Variants in MECOM observed in about 807,000 individuals in gnomAD.
MECOM encodes histone-lysine N-methyltransferase MECOM.
Under a neutral mutation model 116.3 loss-of-function variants are expected in MECOM, and 13 were observed. That is an observed-to-expected ratio of 0.11 (90% CI 0.07 to 0.18). The LOEUF (loss-of-function observed/expected upper bound fraction) is 0.18. MECOM is among the 10% of genes least tolerant of loss of function. The pLI, the probability that MECOM is intolerant of heterozygous loss-of-function variation, is 1.00. For synonymous variants in MECOM, 528 were observed against 535.2 expected, an observed-to-expected ratio of 0.99 and a Z score of 0.19; for missense variants, 1,299 against 1,509.0, an observed-to-expected ratio of 0.86 and a Z score of 2.31.
chr3:169,168,164 G>T (rs143017714), intron 2 of MECOM, among the ~76,000 whole-genome samples: 1 of 152,110 alleles, frequency 6.6e-6, no homozygotes, highest in East Asian at 1.9e-4. Flanking sequence ...TGGAGATAAT[G>T]CCAATAGTTT....
At chr3:169,137,533 C>T (rs1222456616) in intron 3 of MECOM, among the ~76,000 whole-genome samples, 1 of 152,086 alleles carries the variant, frequency 6.6e-6, no homozygotes, top group African/African-American at 2.4e-5. Context: ...ATTGCCAAAG[C>T]AAATCACCCT....
chr3:169,321,813 A>G (rs1720913757), intron 2 of MECOM, among the ~76,000 whole-genome samples: 1 of 152,196 alleles, frequency 6.6e-6, no homozygotes, highest in Non-Finnish European at 1.5e-5. Context: ...ATGGCACTAG[A>G]AAAGACAGTG....
intron 7 of MECOM, among the ~76,000 whole-genome samples, chr3:169,117,029 T>C (rs1405004265): frequency 1.3e-5 from 2 of 152,166 alleles, no homozygotes; most frequent in Non-Finnish European, 2.9e-5. Flanking sequence ...ATTTAAATAT[T>C]TATGAAAAGT....
chr3:169,094,462 T>G (rs1444586544), intron 13 of MECOM, among the ~76,000 whole-genome samples: 1 of 152,228 alleles, frequency 6.6e-6, no homozygotes, highest in Admixed American at 6.5e-5. Flanking sequence ...GCTAAATATG[T>G]GCTGGCAAGG....
At chr3:169,621,585 C>T (rs1770738952) in intron 1 of MECOM, among the ~76,000 whole-genome samples, 1 of 152,106 alleles carries the variant, frequency 6.6e-6, no homozygotes, top group South Asian at 2.1e-4. Flanking sequence ...GGTGAAGCCC[C>T]ATCTCCACTA....
rs115484213 is a variant in MECOM at position 169,514,132 on chromosome 3, G to A, written c.38-132608C>T. On this transcript the variant is annotated intron_variant, in intron 1 of 16. Transcript: ENST00000651503. Reference sequence around the variant, plus strand: ...ATAAGAAAACCATGTCGGTAATCTAGCACATACCTTTACATTTTTGAGTGT... The same window carrying A: ...ATAAGAAAACCATGTCGGTAATCTAACACATACCTTTACATTTTTGAGTGT... Among the ~76,000 whole-genome samples the A allele has an allele frequency of 8.4e-3, 1,280 of 152,278 alleles. 15 individuals are homozygous for A. The highest frequency in any genetic ancestry group is 0.026 in the South Asian group (124 of 4,824).
intron 1 of MECOM, among the ~76,000 whole-genome samples, chr3:169,501,989 A>G (rs11916266): frequency 0.14 from 21,804 of 152,124 alleles, 1,678 homozygotes; most frequent in African/African-American, 0.17. Flanking sequence ...AATGCTACAC[A>G]GTGCATTAGA....
At chr3:169,499,250 A>G (rs1453528556) in intron 1 of MECOM, among the ~76,000 whole-genome samples, 1 of 151,226 alleles carries the variant, frequency 6.6e-6, no homozygotes, top group East Asian at 1.9e-4. Context: ...ACCAAAAAAG[A>G]AAAGTCCAAA....
intron 2 of MECOM, among the ~76,000 whole-genome samples, chr3:169,151,581 A>G (rs987747090): frequency 6.6e-6 from 1 of 152,312 alleles, no homozygotes; most frequent in Non-Finnish European, 1.5e-5. Context: ...AGATTCTGTT[A>G]AATCCTGTTT....
chr3:169,300,703 C>T (rs533440788), intron 2 of MECOM, among the ~76,000 whole-genome samples: 2 of 152,192 alleles, frequency 1.3e-5, no homozygotes, highest in Admixed American at 1.3e-4. Context: ...ATCTTTGTGC[C>T]CTTTCTTTGG....
chr3:169,374,766 C>T (rs925806522), intron 2 of MECOM, among the ~76,000 whole-genome samples: 6 of 151,946 alleles, frequency 3.9e-5, no homozygotes, highest in African/African-American at 9.7e-5. Context: ...GGCATGGTGG[C>T]TCATACTTTT....
chr3:169,280,424 T>C (rs1711679315), intron 2 of MECOM, among the ~76,000 whole-genome samples: 1 of 152,190 alleles, frequency 6.6e-6, no homozygotes, highest in Non-Finnish European at 1.5e-5. Context: ...CAAATATTTA[T>C]GTAAGGAACA....
chr3:169,502,849 A>C (rs768627396), intron 1 of MECOM, among the ~76,000 whole-genome samples: 1 of 152,214 alleles, frequency 6.6e-6, no homozygotes, highest in Non-Finnish European at 1.5e-5. Context: ...AGATTGTTAT[A>C]AAGATATAAA....
intron 1 of MECOM, among the ~76,000 whole-genome samples, chr3:169,652,042 A>C (rs1410664686): frequency 2.6e-5 from 4 of 152,246 alleles, no homozygotes; most frequent in Non-Finnish European, 1.5e-5. Flanking sequence ...AAAGATTGAT[A>C]AAAACTTTAA....
chr3:169,132,397 GT>G (rs57137045), intron 3 of MECOM, among the ~76,000 whole-genome samples: 4,856 of 152,164 alleles, frequency 0.032, 261 homozygotes, highest in African/African-American at 0.11. Flanking sequence ...CAGGGACCAG[GT>G]TTTTTGTTTT....
intron 1 of MECOM, among the ~76,000 whole-genome samples, chr3:169,495,464 CT>C (rs1254414421): frequency 2.0e-5 from 3 of 152,150 alleles, no homozygotes; most frequent in Non-Finnish European, 2.9e-5. Flanking sequence ...ACACACCTGT[CT>C]TTTTAGTGTG....
chr3:169,151,783 G>C (rs894360419), intron 2 of MECOM, among the ~76,000 whole-genome samples: 6 of 152,096 alleles, frequency 3.9e-5, no homozygotes, highest in Non-Finnish European at 5.9e-5. Flanking sequence ...ACAAAGATAA[G>C]AAATAATGTA....
intron 2 of MECOM, among the ~76,000 whole-genome samples, chr3:169,283,092 CTCTA>C (rs1262677155): frequency 6.6e-6 from 1 of 152,124 alleles, no homozygotes; most frequent in Non-Finnish European, 1.5e-5. Flanking sequence ...AACCTATTTT[CTCTA>C]TCTCTCTCTA....
At chr3:169,541,693 C>T (rs1420516118) in intron 1 of MECOM, among the ~76,000 whole-genome samples, 1 of 152,186 alleles carries the variant, frequency 6.6e-6, no homozygotes, top group Admixed American at 6.5e-5. Flanking sequence ...CTTTTCAAGC[C>T]GTCCTACCTC....
Sources: gnomAD v4.1 joint callset for allele counts (sites outside exome capture counted in the v4.1 genomes callset) on GRCh38, gnomAD v4.1.1 for gene constraint, MANE v1.5 for transcripts, NCBI Gene and HGNC (gene_info 2026-07-23, HGNC 2026-07-21) for gene names.